ROBO1: variants seen among roughly 807,000 people sequenced by gnomAD.
ROBO1 encodes roundabout guidance receptor 1.
ROBO1 carries 149 observed loss-of-function variants against 195.9 expected under a neutral mutation model. That is an observed-to-expected ratio of 0.76 (90% confidence interval 0.67 to 0.87). The LOEUF (loss-of-function observed/expected upper bound fraction) is 0.87. ROBO1 is among the 40% of genes least tolerant of loss of function. The probability of loss-of-function intolerance (pLI) is 0.00; values close to 1 mark genes in which losing one functional copy is unlikely to be tolerated. For synonymous variants in ROBO1, 816 were observed against 733.2 expected (o/e 1.11, Z -1.82); for missense variants, 1,933 against 2,068.3 (o/e 0.93, Z 1.27).
intron 4 of ROBO1, among the ~76,000 whole-genome samples, chr3:78,756,845 T>C (rs952634076): frequency 6.6e-6 from 1 of 152,154 alleles, no homozygotes; most frequent in Non-Finnish European, 1.5e-5. Flanking sequence ...AACAACAACA[T>C]AATGTGAATA....
chr3:79,095,590 C>A (rs906729014), intron 3 of ROBO1, among the ~76,000 whole-genome samples: 3 of 152,036 alleles, frequency 2.0e-5, no homozygotes, highest in African/African-American at 7.2e-5. Context: ...CTAGAACCAT[C>A]TTGCTAAGTT....
At chr3:79,473,594 A>G (rs935215885) in intron 2 of ROBO1, among the ~76,000 whole-genome samples, 1 of 152,052 alleles carries the variant, frequency 6.6e-6, no homozygotes, top group Admixed American at 6.6e-5. Context: ...AATACCTCCT[A>G]CTGTATACAA....
At chr3:79,514,391 G>A (rs1940854277) in intron 2 of ROBO1, among the ~76,000 whole-genome samples, 2 of 152,286 alleles carry the variant, frequency 1.3e-5, no homozygotes, top group Middle Eastern at 3.4e-3. Context: ...CTTAAAGAAT[G>A]TAGATAAGGC....
intron 10 of ROBO1, among the ~76,000 whole-genome samples, chr3:78,676,699 T>C (rs902895488): frequency 1.6e-4 from 25 of 152,316 alleles, no homozygotes; most frequent in Non-Finnish European, 1.9e-4. Context: ...CTACGTCTGA[T>C]TGGTGTACCT....
At chr3:79,128,523 A>C (rs1044923175) in intron 2 of ROBO1, among the ~76,000 whole-genome samples, 2 of 152,186 alleles carry the variant, frequency 1.3e-5, no homozygotes, top group East Asian at 3.8e-4. Context: ...TATTTTCTGC[A>C]CCAGTATTCT....
At chr3:78,987,129 CT>C (rs5850408) in intron 3 of ROBO1, among the ~76,000 whole-genome samples, 118,239 of 125,210 alleles carry the variant, frequency 0.94, 55,776 homozygotes, top group East Asian at 0.98. Context: ...AAAAAAACTG[CT>C]TTTTTTTTTT....
rs2033277921 is a variant in ROBO1 at position 79,307,503 on chromosome 3, G to T, written c.89-181964C>A. On this transcript the variant is annotated intron_variant, in intron 2 of 30. Coordinates refer to ENST00000464233, the MANE Select transcript of ROBO1 (RefSeq NM_002941.4). ...AACTGCACATTTCAGGATTTTAATG[G>T]ATGGTTTAACTCCTTAATACTTCTT... 3.3e-5 allele frequency among the ~76,000 whole-genome samples: 5 copies of T among 152,182 alleles called. No homozygotes were observed. The South Asian group carries it at 1.0e-3, about 32-fold the overall frequency.
chr3:79,331,086 A>G (rs937875402), intron 2 of ROBO1, among the ~76,000 whole-genome samples: 4 of 152,224 alleles, frequency 2.6e-5, no homozygotes, highest in Admixed American at 6.5e-5. Flanking sequence ...ATTTGCATTG[A>G]TAATACAGTT....
chr3:79,589,352 AG>A (rs1357543976), intron 2 of ROBO1, among the ~76,000 whole-genome samples: 1 of 151,750 alleles, frequency 6.6e-6, no homozygotes, highest in Non-Finnish European at 1.5e-5. Flanking sequence ...GTAGCAACAC[AG>A]CAGCATGTTG....
chr3:78,820,644 G>C (rs549731127), intron 4 of ROBO1, among the ~76,000 whole-genome samples: 1 of 152,280 alleles, frequency 6.6e-6, no homozygotes, highest in South Asian at 2.1e-4. Context: ...TCTCCACTCT[G>C]GAATTATTCC....
At chr3:79,151,897 C>T (rs1290271111) in intron 2 of ROBO1, among the ~76,000 whole-genome samples, 4 of 151,888 alleles carry the variant, frequency 2.6e-5, no homozygotes, top group Non-Finnish European at 4.4e-5. Context: ...CACAAAGTTC[C>T]TCCCTAACAT....
chr3:78,718,724 T>A (rs1246036453), intron 5 of ROBO1, among the ~76,000 whole-genome samples: 2 of 150,634 alleles, frequency 1.3e-5, no homozygotes, highest in African/African-American at 4.9e-5. Flanking sequence ...TAGGGAAAAT[T>A]TCCAGAATGT....
In ROBO1 at chr3:79,334,311, A is replaced by AATATAT. The variant is rs367879037; in HGVS notation, c.89-208778_89-208773dup. ...AGTGAGACTCTGTCTAAAAAAAAAA[A>AATATAT]ATATATATATATATATATATGTGTA... On this transcript the variant is annotated intron_variant, in intron 2 of 30. Transcript: ENST00000464233. Among the ~76,000 whole-genome samples, 23 of 131,736 alleles carry AATATAT rather than the reference A, an allele frequency of 1.7e-4. 1 individual carries two copies. Among genetic ancestry groups the AATATAT allele is most frequent in the South Asian group, 9.6e-4 (4 of 4,188 alleles). The allele number at this position is 131,736 out of a possible 152,430, so 86.4% of individuals were successfully genotyped here. A position where few individuals can be genotyped will look rare whatever the true frequency, so the allele number is the denominator to read the frequency against.
chr3:79,369,117 G>T (rs528930923), intron 2 of ROBO1, among the ~76,000 whole-genome samples: 14 of 152,218 alleles, frequency 9.2e-5, no homozygotes, highest in Admixed American at 3.3e-4. Context: ...AAAAAAATGA[G>T]AAAATATTGT....
intron 1 of ROBO1, among the ~76,000 whole-genome samples, chr3:79,697,813 T>C (rs1453564657): frequency 6.6e-6 from 1 of 151,418 alleles, no homozygotes; most frequent in Non-Finnish European, 1.5e-5. Flanking sequence ...TTTATAAACC[T>C]GGGAAATAAT....
Position 78,717,390 on chromosome 3 carries a change from G to A in ROBO1, c.802C>T (p.Pro268Ser). ...TCCACAGTTACTGCCAAGTTACTGG[G>A]TCTCTTCACAAATGATGGTCTCTCT... ...VLERPSFVKR[P>S]SNLAVTVDDS... The change falls in exon 7 of 31, where the codon CCC (proline) becomes TCC (serine). Residue 268 changes from proline (P) to serine (S), a missense_variant. Coordinates refer to ENST00000464233, the MANE Select transcript of ROBO1 (RefSeq NM_002941.4). The A allele has an allele frequency of 6.2e-7, 1 of 1,613,536 alleles. No homozygotes were observed.
At chr3:78,604,569 A>G (rs1703361316) in intron 29 of ROBO1, among the ~76,000 whole-genome samples, 1 of 152,206 alleles carries the variant, frequency 6.6e-6, no homozygotes, top group Non-Finnish European at 1.5e-5. Flanking sequence ...GATTGTGGTG[A>G]TATTATCAAG....
At chr3:79,018,070 C>A (rs1326725371) in intron 3 of ROBO1, among the ~76,000 whole-genome samples, 1 of 152,124 alleles carries the variant, frequency 6.6e-6, no homozygotes, top group Non-Finnish European at 1.5e-5. Context: ...TCCTGGGGGC[C>A]CTAGCTCACT....
Position 78,936,603 on chromosome 3 carries a change from C to T in ROBO1, c.499+1998G>A, listed in dbSNP as rs191712095. Among the ~76,000 whole-genome samples the T allele has an allele frequency of 1.1e-3, 167 of 151,946 alleles. 4 individuals are homozygous for T. The highest frequency in any genetic ancestry group is 3.1e-3 in the Admixed American group (48 of 15,260). ...CCTTGCGATTATCCCCTAGACAATA[C>T]GGTATAGCAACAATTACTATATGAG... On this transcript the variant is annotated intron_variant, in intron 4 of 30. Transcript: ENST00000464233.
Sources: gnomAD v4.1 joint callset for allele counts (sites outside exome capture counted in the v4.1 genomes callset) on GRCh38, gnomAD v4.1.1 for gene constraint, MANE v1.5 for transcripts, NCBI Gene and HGNC (gene_info 2026-07-23, HGNC 2026-07-21) for gene names.